Variants in COL4A3 observed in about 807,000 individuals in gnomAD.
COL4A3 encodes the protein collagen alpha-3(IV) chain.
In COL4A3, 135 loss-of-function variants were observed where a neutral mutation model predicts 217.4. That is an observed-to-expected ratio of 0.62 (90% CI 0.54 to 0.72). The LOEUF (loss-of-function observed/expected upper bound fraction) is 0.72. COL4A3 is among the 30% of genes least tolerant of loss of function. COL4A3 has a pLI of 0.00. For missense variants in COL4A3, 1,868 were observed against 2,119.9 expected (o/e 0.88, Z 2.33); for synonymous variants, 690 against 736.3 (o/e 0.94, Z 1.02).
intron 1 of COL4A3, among the ~76,000 whole-genome samples, chr2:227,176,547 T>G (rs2065681648): frequency 6.6e-6 from 1 of 152,242 alleles, no homozygotes; most frequent in Non-Finnish European, 1.5e-5. Context: ...TCCAGTTTAA[T>G]CTTTAAGATC....
intron 1 of COL4A3, among the ~76,000 whole-genome samples, chr2:227,210,245 A>G (rs1286329127): frequency 2.0e-5 from 3 of 152,216 alleles, no homozygotes; most frequent in African/African-American, 7.2e-5. Context: ...CCTACATTAT[A>G]AAGTACAATC....
chr2:227,267,135 A>G (rs2070946880), intron 23 of COL4A3, 47 bp downstream of exon 23: 1 of 1,315,998 alleles, frequency 7.6e-7, no homozygotes, highest in African/African-American at 1.4e-5. Context: ...CAAAAGGGTC[A>G]ATACACTGGA....
chr2:227,269,992 T>A lies in COL4A3; in HGVS notation c.1575+12T>A. The A allele has an allele frequency of 6.2e-7, 1 of 1,609,412 alleles. No homozygotes were observed. On this transcript the variant is annotated intron_variant, in intron 24 of 51. Coordinates refer to ENST00000396578, the MANE Select transcript of COL4A3 (RefSeq NM_000091.5). ...TTCCAGGATTTCCAGTAAGATTTCA[T>A]GTTTTTAAATCTTTAGCTTCAATTT...
Position 227,259,808 on chromosome 2 carries a change from A to C in COL4A3, c.1045A>C (p.Thr349Pro). ...GFRGPTEYYD[T>P]YQEKGDEGTP... ...CTCCTCTAAGACAGAATATTATGAC[A>C]CATACCAGGAAAAGGGAGATGAAGG... Residue 349 changes from threonine (T) to proline (P), a missense_variant, in exon 19 of 52, where the codon ACA becomes CCA. Thr to Pro is a conservative substitution (Grantham distance 38, BLOSUM62 -1). Transcript: ENST00000396578. 6.2e-7 allele frequency: 1 copy of C among 1,612,526 alleles called. No homozygotes were observed. The highest frequency in any genetic ancestry group is 8.5e-7 in the Non-Finnish European group (1 of 1,178,528).
chr2:227,246,870 A>C (rs750634027), intron 7 of COL4A3, 132 bp downstream of exon 7: 1 of 813,744 alleles, frequency 1.2e-6, no homozygotes, highest in Admixed American at 1.7e-5. Flanking sequence ...ACATTCAACT[A>C]ATAGTTAGGG....
chr2:227,307,647 C>T, intron 47 of COL4A3, 63 bp from the exon 48 acceptor site: 1 of 1,348,890 alleles, frequency 7.4e-7, no homozygotes, highest in Non-Finnish European at 1.1e-6. Flanking sequence ...TAAATTAGTA[C>T]TTTGAAAAAA....
At position 227,309,271 on chromosome 2, in the gene COL4A3, T is replaced by G; in HGVS notation, c.4708T>G (p.Cys1570Gly). The change falls in exon 50 of 52, where the codon TGT becomes GGT. Residue 1570 changes from cysteine to glycine, a missense_variant. Cys to Gly is a radical substitution (Grantham distance 159). This residue lies in a region of COL4A3 where 1,503 missense variants were observed against 1,786.1 expected (regional missense o/e 0.84). Transcript: ENST00000396578. ...CAGCCAAACCACTGACATTCCTCCA[T>G]GTCCTCACGGCTGGATTTCTCTCTG... ...VHSQTTDIPP[C>G]PHGWISLWKG... The G allele has an allele frequency of 6.2e-7, 1 of 1,614,222 alleles. No homozygotes were observed. The highest frequency in any genetic ancestry group is 8.5e-7 in the Non-Finnish European group (1 of 1,180,032).
intron 1 of COL4A3, among the ~76,000 whole-genome samples, chr2:227,165,858 C>T (rs1042667424): frequency 1.7e-4 from 19 of 113,374 alleles, no homozygotes; most frequent in Admixed American, 1.3e-3. Flanking sequence ...CTAAAGCCCT[C>T]TCTGACACCC....
chr2:227,245,915 T>TG, intron 5 of COL4A3, 39 bp from the exon 6 acceptor site: 2 of 1,534,130 alleles, frequency 1.3e-6, no homozygotes, highest in Non-Finnish European at 1.8e-6. Context: ...TGCTGTTTCT[T>TG]GGGATGACCC....
chr2:227,257,749 A>G lies in COL4A3; in HGVS notation c.1029+105A>G, dbSNP rs570938271. 1.1e-5 allele frequency: 11 copies of G among 1,039,692 alleles called. No individual in the cohort carries two copies. In the East Asian group the frequency reaches 2.4e-4, roughly 23 times the overall value. The allele number at this position is 1,039,692 out of a possible 1,614,324, so 64.4% of individuals were successfully genotyped here. On this transcript the variant is annotated intron_variant, in intron 18 of 51. Coordinates refer to ENST00000396578, the MANE Select transcript of COL4A3 (RefSeq NM_000091.5). ...TCTCATTAACTGTGTGAGAGAGATT[A>G]TAACATTTACCTTGTTGTCAAACCA...
At chr2:227,271,537 A>C (rs768997081) in intron 25 of COL4A3, among the ~76,000 whole-genome samples, 39 of 144,000 alleles carry the variant, frequency 2.7e-4, no homozygotes, top group Non-Finnish European at 4.9e-4. Flanking sequence ...CAATGGTGCA[A>C]TCTCAGCTCA....
intron 3 of COL4A3, among the ~76,000 whole-genome samples, chr2:227,243,073 C>A (rs2125900912): frequency 6.6e-6 from 1 of 152,340 alleles, no homozygotes; most frequent in South Asian, 2.1e-4. Context: ...AATGCCAATT[C>A]CGTTTTTAAA....
rs563131123 is a variant in COL4A3 at position 227,277,567 on chromosome 2, T to A, written c.2125+14T>A. On this transcript the variant is annotated intron_variant, in intron 28 of 51. Coordinates refer to ENST00000396578, the MANE Select transcript of COL4A3 (RefSeq NM_000091.5). ...CTGGACCTAAGGGTAAATTTAAAAT[T>A]TTTTCAAACATAAAGTTTGTTGTGG... 2.0e-5 allele frequency: 31 copies of A among 1,533,704 alleles called. No homozygotes were observed. The Admixed American group carries it at 4.4e-4, about 22-fold the overall frequency.
At chr2:227,200,975 G>A (rs10167118) in intron 1 of COL4A3, among the ~76,000 whole-genome samples, 16,031 of 152,138 alleles carry the variant, frequency 0.11, 1,089 homozygotes, top group Admixed American at 0.16. Context: ...CAAGAACATG[G>A]GAAGAAGTGT....
At chr2:227,277,179 C>T (rs1292914419) in intron 27 of COL4A3, among the ~76,000 whole-genome samples, 3 of 151,894 alleles carry the variant, frequency 2.0e-5, no homozygotes, top group South Asian at 2.1e-4. Flanking sequence ...ATTAGCCGGG[C>T]GTGGTGGCGG....
chr2:227,283,137 G>C (rs1180936820), intron 32 of COL4A3, among the ~76,000 whole-genome samples: 1 of 152,078 alleles, frequency 6.6e-6, no homozygotes, highest in Non-Finnish European at 1.5e-5. Flanking sequence ...TAAGTTATCT[G>C]ATTTGTTGTT....
At chr2:227,289,964 CTG>C in intron 35 of COL4A3, 33 bp from the exon 36 acceptor site, 1 of 1,584,414 alleles carries the variant, frequency 6.3e-7, no homozygotes, top group Non-Finnish European at 8.7e-7. Flanking sequence ...TGTCCAGGAA[CTG>C]TGCAGGGCAA....
At chr2:227,218,870 T>C (rs1373248398) in intron 1 of COL4A3, among the ~76,000 whole-genome samples, 1 of 152,340 alleles carries the variant, frequency 6.6e-6, no homozygotes, top group East Asian at 1.9e-4. Context: ...AAAAGCAGAA[T>C]TAATAAAAAT....
At chr2:227,202,513 G>A (rs1018524004) in intron 1 of COL4A3, among the ~76,000 whole-genome samples, 2 of 151,682 alleles carry the variant, frequency 1.3e-5, no homozygotes, top group Non-Finnish European at 2.9e-5. Flanking sequence ...GGGAGGCCGA[G>A]GCGGGCGGAT....
Sources: allele counts gnomAD v4.1 joint callset (sites outside exome capture counted in the v4.1 genomes callset), GRCh38; gene constraint gnomAD v4.1.1; regional missense constraint gnomAD v4.1.1; transcripts MANE v1.5; gene names NCBI Gene and HGNC (gene_info 2026-07-23, HGNC 2026-07-21).